The following DEFB106B variants were observed in gnomAD, a reference collection of about 807,000 sequenced individuals.
DEFB106B encodes beta-defensin 106.
intron 1 of DEFB106B, among the ~76,000 whole-genome samples, chr8:7,484,915 A>G (rs1585532926): frequency 1.0e-5 from 1 of 96,794 alleles, no homozygotes; most frequent in Non-Finnish European, 2.1e-5. Flanking sequence ...TAAAATATAT[A>G]CTAGTACAAT....
intron 1 of DEFB106B, among the ~76,000 whole-genome samples, chr8:7,484,855 G>T (rs1217196831): frequency 1.2e-4 from 8 of 66,788 alleles, no homozygotes; most frequent in Non-Finnish European, 2.0e-4. Flanking sequence ...CCGGGGAACA[G>T]AGTGAGACTC....
Position 7,483,886 on chromosome 8 carries a change from T to C in DEFB106B, c.50-1134A>G, listed in dbSNP as rs1418112240. On this transcript the variant is annotated intron_variant, in intron 1 of 1. Transcript: ENST00000335479. ...TAGTATATACTGGTATAATAGTGTA[T>C]ACTATAGTATTATACTAGTATATAT... Among the ~76,000 whole-genome samples, 7 of 132,210 alleles carry C rather than the reference T, an allele frequency of 5.3e-5. 1 individual carries two copies. Among genetic ancestry groups the C allele is most frequent in the Non-Finnish European group, 9.5e-5 (6 of 63,104 alleles). 86.7% of individuals were successfully genotyped at this position (132,210 alleles called of 152,430 possible).
intron 1 of DEFB106B, among the ~76,000 whole-genome samples, chr8:7,484,534 A>T (rs1387784387): frequency 1.6e-5 from 2 of 122,362 alleles, no homozygotes; most frequent in African/African-American, 6.8e-5. Flanking sequence ...TATATACTAT[A>T]TTACATACTA....
At chr8:7,484,532 A>C (rs1811416399) in intron 1 of DEFB106B, among the ~76,000 whole-genome samples, 1 of 139,652 alleles carries the variant, frequency 7.2e-6, no homozygotes, top group Non-Finnish European at 1.5e-5. Context: ...TATATATACT[A>C]TATTACATAC....
At chr8:7,484,324 G>C (rs1188863376) in intron 1 of DEFB106B, among the ~76,000 whole-genome samples, 3 of 146,782 alleles carry the variant, frequency 2.0e-5, no homozygotes, top group African/African-American at 7.6e-5. Flanking sequence ...CTGTATACTA[G>C]TGTATGTACT....
chr8:7,484,396 T>C (rs1258529758), intron 1 of DEFB106B, among the ~76,000 whole-genome samples: 1 of 123,922 alleles, frequency 8.1e-6, no homozygotes, highest in Non-Finnish European at 1.7e-5. Flanking sequence ...ACTATATACT[T>C]GTGTATTATA....
Position 7,482,512 on chromosome 8 carries a change from T to C in DEFB106B, c.*92A>G, listed in dbSNP as rs1310768002. 2.1e-6 allele frequency: 1 copy of C among 484,536 alleles called. No homozygotes were observed. Among genetic ancestry groups the C allele is most frequent in the Non-Finnish European group, 3.3e-6 (1 of 306,082 alleles). The allele number at this position is 484,536 out of a possible 1,614,324, so 30.0% of individuals were successfully genotyped here. A position where few individuals can be genotyped will look rare whatever the true frequency, so the allele number is the denominator to read the frequency against. ...TTGACAAACTGAGCAAAGACAGTCATTTATTTTTATTAAAGTGTCTGCCTA... is the reference window on the plus strand; with the variant it reads ...TTGACAAACTGAGCAAAGACAGTCACTTATTTTTATTAAAGTGTCTGCCTA... On this transcript the variant is annotated 3_prime_UTR_variant, in exon 2 of 2. Transcript: ENST00000335479.
chr8:7,484,668 C>G (rs894405866), intron 1 of DEFB106B, among the ~76,000 whole-genome samples: 2 of 127,872 alleles, frequency 1.6e-5, no homozygotes, highest in African/African-American at 6.2e-5. Context: ...GTCAGGAGTT[C>G]GAGACCAGGC....
At chr8:7,484,890 GTA>G (rs775001136) in intron 1 of DEFB106B, among the ~76,000 whole-genome samples, 29,085 of 76,358 alleles carry the variant, frequency 0.38, 4,909 homozygotes, top group Non-Finnish European at 0.44. Flanking sequence ...AAAAAAATAT[GTA>G]TATATATATA....
At position 7,484,529 on chromosome 8, in the gene DEFB106B, A is replaced by G. The variant is rs1324541015; in HGVS notation, c.50-1777T>C. Among the ~76,000 whole-genome samples, 6 of 139,728 alleles carry G rather than the reference A, an allele frequency of 4.3e-5. No homozygotes were observed. In the East Asian group the frequency reaches 1.3e-3, roughly 30 times the overall value. The allele number at this position is 139,728 out of a possible 152,430, so 91.7% of individuals were successfully genotyped here. A position where few individuals can be genotyped will look rare whatever the true frequency, so the allele number is the denominator to read the frequency against. Reference sequence around the variant, plus strand: ...ACTAGAGTATTATACTAGTATATATACTATATTACATACTAGTATATAATA... The same window carrying G: ...ACTAGAGTATTATACTAGTATATATGCTATATTACATACTAGTATATAATA... On this transcript the variant is annotated intron_variant, in intron 1 of 1. Coordinates refer to ENST00000335479, the MANE Select transcript of DEFB106B (RefSeq NM_001040704.2).
chr8:7,484,324 G>A (rs1188863376), intron 1 of DEFB106B, among the ~76,000 whole-genome samples: 1 of 146,782 alleles, frequency 6.8e-6, no homozygotes, highest in African/African-American at 2.5e-5. Context: ...CTGTATACTA[G>A]TGTATGTACT....
rs1202361435 is a variant in DEFB106B, at chr8:7,483,826, A to G, written c.50-1074T>C. ...TTTTGGTTTAGTATAGTATCATAGT[A>G]TAGATTAGTATATACTATAAAAATA... On this transcript the variant is annotated intron_variant, in intron 1 of 1. Transcript: ENST00000335479. Among the ~76,000 whole-genome samples, 6 of 133,346 alleles carry G rather than the reference A, an allele frequency of 4.5e-5. 1 individual carries two copies. Among genetic ancestry groups the G allele is most frequent in the Non-Finnish European group, 9.5e-5 (6 of 63,456 alleles). The allele number at this position is 133,346 out of a possible 152,430, so 87.5% of individuals were successfully genotyped here.
chr8:7,484,555 CTACTAGTAATAATA>C, intron 1 of DEFB106B, among the ~76,000 whole-genome samples: 1 of 138,248 alleles, frequency 7.2e-6, no homozygotes, highest in East Asian at 2.1e-4. Context: ...GTATATAATA[CTACTAGTAATAATA>C]TACTAGTATA....
chr8:7,484,366 T>C (rs573832551), intron 1 of DEFB106B, among the ~76,000 whole-genome samples: 4 of 147,054 alleles, frequency 2.7e-5, no homozygotes, highest in South Asian at 4.2e-4. Context: ...ACTAGTGTAT[T>C]ATACTAGTAT....
chr8:7,484,292 T>G (rs1811398368), intron 1 of DEFB106B, among the ~76,000 whole-genome samples: 1 of 144,228 alleles, frequency 6.9e-6, no homozygotes, highest in African/African-American at 2.6e-5. Context: ...TGCTAGAGTA[T>G]TATACTAGTA....
rs541180504 is a variant in DEFB106B, at chr8:7,484,536, T to C, written c.50-1784A>G. ...TATTATACTAGTATATATACTATATTACATACTAGTATATAATACTACTAG... is the reference window on the plus strand; with the variant it reads ...TATTATACTAGTATATATACTATATCACATACTAGTATATAATACTACTAG... On this transcript the variant is annotated intron_variant, in intron 1 of 1. Transcript: ENST00000335479. 7.2e-5 allele frequency among the ~76,000 whole-genome samples: 10 copies of C among 139,546 alleles called. No individual in the cohort carries two copies. In the South Asian group the frequency reaches 1.8e-3, roughly 25 times the overall value. 91.5% of individuals were successfully genotyped at this position (139,546 alleles called of 152,430 possible). A position where few individuals can be genotyped will look rare whatever the true frequency, so the allele number is the denominator to read the frequency against.
intron 1 of DEFB106B, among the ~76,000 whole-genome samples, chr8:7,484,175 G>C (rs1426467810): frequency 8.6e-6 from 1 of 116,764 alleles, no homozygotes; most frequent in African/African-American, 3.2e-5. Flanking sequence ...CTATATATTA[G>C]TGTATTATAC....
intron 1 of DEFB106B, among the ~76,000 whole-genome samples, chr8:7,484,744 T>C (rs1282945723): frequency 4.6e-5 from 5 of 109,308 alleles, no homozygotes; most frequent in African/African-American, 7.7e-5. Flanking sequence ...AGGTGGCACA[T>C]GCCTGTAATC....
At chr8:7,484,179 A>T (rs1438052193) in intron 1 of DEFB106B, among the ~76,000 whole-genome samples, 5 of 137,338 alleles carry the variant, frequency 3.6e-5, no homozygotes, top group Non-Finnish European at 6.2e-5. Flanking sequence ...ATATTAGTGT[A>T]TTATACTAGT....
Sources: allele counts gnomAD v4.1 joint callset (sites outside exome capture counted in the v4.1 genomes callset), GRCh38; gene constraint gnomAD v4.1.1; transcripts MANE v1.5; gene names NCBI Gene and HGNC (gene_info 2026-07-23, HGNC 2026-07-21).